PCDHA2: variants seen among roughly 807,000 people sequenced by gnomAD.
The protein encoded by PCDHA2 is protocadherin alpha 2.
In PCDHA2, 58 loss-of-function variants were observed where a neutral mutation model predicts 66.0. The observed-to-expected ratio is 0.88, with a 90% CI of 0.71 to 1.09. The LOEUF is 1.09. PCDHA2 is among the 50% of genes least tolerant of loss of function. The pLI, the probability that PCDHA2 is intolerant of heterozygous loss-of-function variation, is 0.00. For synonymous variants in PCDHA2, 634 were observed against 554.0 expected (o/e 1.14, Z -2.03); for missense variants, 1,267 against 1,242.3 (o/e 1.02, Z -0.30).
intron 1 of PCDHA2, among the ~76,000 whole-genome samples, chr5:140,959,030 G>A (rs1303090530): frequency 6.6e-6 from 1 of 151,776 alleles, no homozygotes; most frequent in African/African-American, 2.4e-5. Flanking sequence ...GCTTTATCAT[G>A]GGTATGTATG....
chr5:140,942,255 A>G (rs2093254394), intron 1 of PCDHA2, among the ~76,000 whole-genome samples: 1 of 152,194 alleles, frequency 6.6e-6, no homozygotes, highest in Non-Finnish European at 1.5e-5. Context: ...TCATTAAAAG[A>G]TATCTAAAGC....
intron 1 of PCDHA2, among the ~76,000 whole-genome samples, chr5:140,952,087 C>T (rs2094684318): frequency 6.6e-6 from 1 of 152,162 alleles, no homozygotes. Context: ...CTCCATGTCT[C>T]ACATCCAGGG....
chr5:140,983,378 G>A (rs782292944), intron 3 of PCDHA2, among the ~76,000 whole-genome samples: 1 of 152,162 alleles, frequency 6.6e-6, no homozygotes, highest in Non-Finnish European at 1.5e-5. Flanking sequence ...GAGGCCCATC[G>A]CTGTGGCAGT....
intron 1 of PCDHA2, among the ~76,000 whole-genome samples, chr5:140,894,001 G>A (rs2064275871): frequency 6.6e-6 from 1 of 152,098 alleles, no homozygotes; most frequent in African/African-American, 2.4e-5. Context: ...CAATTGTATG[G>A]TTGGTTCAAA....
intron 1 of PCDHA2, among the ~76,000 whole-genome samples, chr5:140,884,903 T>C (rs1462790087): frequency 1.3e-5 from 2 of 152,268 alleles, no homozygotes; most frequent in Admixed American, 1.3e-4. Flanking sequence ...GTTTCTGTTG[T>C]ATTCTTAATA....
rs782130756 is a variant in PCDHA2 at position 140,796,848 on chromosome 5, G to T, written c.1884G>T (p.Thr628=). ...ARIPFRVGLY[T]GEISTTRALD... is the part of the protein sequence containing the mutation. ...TCCCGTTCCGCGTGGGGCTATACACGGGTGAGATCAGCACGACACGTGCCC... is the reference window on the plus strand; with the variant it reads ...TCCCGTTCCGCGTGGGGCTATACACTGGTGAGATCAGCACGACACGTGCCC... Residue 628 remains threonine (T), a synonymous_variant, in exon 1 of 4, where the codon ACG becomes ACT. Coordinates refer to ENST00000526136, the MANE Select transcript of PCDHA2 (RefSeq NM_018905.3). The T allele has an allele frequency of 6.2e-7, 1 of 1,614,088 alleles. No homozygotes were observed. The highest frequency in any genetic ancestry group is 1.1e-5 in the South Asian group (1 of 91,084).
intron 1 of PCDHA2, chr5:140,883,468 C>A: frequency 6.2e-7 from 1 of 1,614,164 alleles, no homozygotes; most frequent in South Asian, 1.1e-5. Context: ...TGGTGTCCAC[C>A]TACAAGAACT....
At position 140,856,290 on chromosome 5, in the gene PCDHA2, G is replaced by A. The variant is rs143002904; in HGVS notation, c.2388+58938G>A. 7.5e-3 allele frequency: 12,003 copies of A among 1,598,482 alleles called. 1,113 individuals are homozygous for A. The highest frequency in any genetic ancestry group is 7.4e-3 in the Non-Finnish European group (8,655 of 1,168,072). On this transcript the variant is annotated intron_variant, in intron 1 of 3. Coordinates refer to ENST00000526136, the MANE Select transcript of PCDHA2 (RefSeq NM_018905.3). ...CTTCTGGAGGTAAATCTGCAGAATG[G>A]CATTTTGTTTGTGAATTCTCGGATT...
At chr5:140,804,859 A>G in intron 1 of PCDHA2, 1 of 541,546 alleles carries the variant, frequency 1.8e-6, no homozygotes, top group Non-Finnish European at 3.1e-6. Context: ...TCTAACACGT[A>G]AAATAGATAT....
Position 140,978,953 on chromosome 5 carries a change from G to T in PCDHA2, c.2393G>T (p.Arg798Leu), listed in dbSNP as rs781913955. The T allele has an allele frequency of 6.2e-7, 1 of 1,614,048 alleles. No individual in the cohort carries two copies. Among genetic ancestry groups the T allele is most frequent in the Admixed American group, 1.7e-5 (1 of 59,996 alleles). The change falls in exon 2 of 4, where the codon CGA becomes CTA. Residue 798 changes from arginine to leucine, a missense_variant. Physicochemically the swap from Arg to Leu is moderately radical, Grantham distance 102 (BLOSUM62 -2). Coordinates refer to ENST00000526136, the MANE Select transcript of PCDHA2 (RefSeq NM_018905.3). ...ACTCTCTTTGTGATTTTGCAGCCAC[G>T]ACAGCCCAACCCTGACTGGCGTTAC... ...LSESEYVGKP[R>L]QPNPDWRYSA... is the part of the protein sequence containing the mutation.
intron 3 of PCDHA2, among the ~76,000 whole-genome samples, chr5:140,997,115 C>A (rs537421169): frequency 9.2e-5 from 14 of 152,116 alleles, no homozygotes; most frequent in Non-Finnish European, 1.6e-4. Flanking sequence ...TCCTGCTCTC[C>A]CACATACACA....
intron 1 of PCDHA2, among the ~76,000 whole-genome samples, chr5:140,921,929 A>G (rs2080500807): frequency 6.6e-6 from 1 of 152,244 alleles, no homozygotes; most frequent in East Asian, 1.9e-4. Flanking sequence ...CTTATAGTCA[A>G]TATAATTTTA....
Position 140,794,951 on chromosome 5 carries a change from A to G in PCDHA2, c.-14A>G, listed in dbSNP as rs782672962. ...CATGCTCTTCTAATTTGATCAAAACATTGAGGATTGGTAATGGCGTCTTCT... is the reference window on the plus strand; with the variant it reads ...CATGCTCTTCTAATTTGATCAAAACGTTGAGGATTGGTAATGGCGTCTTCT... On this transcript the variant is annotated 5_prime_UTR_variant, in exon 1 of 4. Transcript: ENST00000526136. 6.3e-7 allele frequency: 1 copy of G among 1,596,862 alleles called. No homozygotes were observed. The highest frequency in any genetic ancestry group is 1.8e-5 in the Admixed American group (1 of 56,154).
chr5:140,822,172 TC>T, intron 1 of PCDHA2: 1 of 1,614,252 alleles, frequency 6.2e-7, no homozygotes, highest in Non-Finnish European at 8.5e-7. Context: ...GCCCAGGTTC[TC>T]CAGACAAGAA....
intron 1 of PCDHA2, chr5:140,853,701 C>T: frequency 1.0e-6 from 1 of 987,936 alleles, no homozygotes; most frequent in Non-Finnish European, 1.2e-6. Context: ...CCTGCTAACG[C>T]ATTAGCATTA....
chr5:140,999,040 G>A (rs1450256691), intron 3 of PCDHA2, among the ~76,000 whole-genome samples: 2 of 152,218 alleles, frequency 1.3e-5, no homozygotes, highest in African/African-American at 2.4e-5. Context: ...TTCGTCCAGT[G>A]TGCTTTCCAC....
At chr5:140,802,349 G>C (rs782137990) in intron 1 of PCDHA2, 2 of 1,614,228 alleles carry the variant, frequency 1.2e-6, no homozygotes, top group Middle Eastern at 3.3e-4. Flanking sequence ...TCAATGGACA[G>C]GTCACCTGCT....
chr5:140,894,987 T>A lies in PCDHA2; in HGVS notation c.2389-83962T>A, dbSNP rs564159529. On this transcript the variant is annotated intron_variant, in intron 1 of 3. Transcript: ENST00000526136. ...TTTTTTAATGTCTTACTTTGTGACA[T>A]CCTTTACCCTTTTTACTTGGACCTT... 3.3e-5 allele frequency among the ~76,000 whole-genome samples: 5 copies of A among 152,318 alleles called. No individual in the cohort carries two copies. In the East Asian group the frequency reaches 9.6e-4, roughly 29 times the overall value.
At chr5:140,808,788 A>G in intron 1 of PCDHA2, 1 of 1,612,558 alleles carries the variant, frequency 6.2e-7, no homozygotes. Flanking sequence ...CTGCAGTTTC[A>G]GGTGACCGCT....
Sources: gnomAD v4.1 joint callset for allele counts (sites outside exome capture counted in the v4.1 genomes callset) on GRCh38, gnomAD v4.1.1 for gene constraint, MANE v1.5 for transcripts, NCBI Gene and HGNC (gene_info 2026-07-23, HGNC 2026-07-21) for gene names.